The following FYN variants were observed in gnomAD, a reference collection of about 807,000 sequenced individuals.
FYN encodes the protein FYN proto-oncogene, Src family tyrosine kinase, also known as tyrosine-protein kinase Fyn.
FYN carries 10 observed loss-of-function variants against 70.2 expected under a neutral mutation model. That is an observed-to-expected ratio of 0.14 (90% CI 0.09 to 0.24). The LOEUF (loss-of-function observed/expected upper bound fraction) is 0.24, where lower values mean the gene tolerates loss of function less well. FYN is among the 10% of genes least tolerant of loss of function. FYN has a pLI of 1.00. For missense variants in FYN, 319 were observed against 673.1 expected (o/e 0.47, Z 5.82); for synonymous variants, 236 against 248.6 (o/e 0.95, Z 0.48).
At chr6:111,815,723 TTTTTC>T (rs1417633653) in intron 2 of FYN, among the ~76,000 whole-genome samples, 2 of 151,710 alleles carry the variant, frequency 1.3e-5, no homozygotes, top group African/African-American at 4.8e-5. Context: ...TTTTTTTTTT[TTTTTC>T]TTTTTTTTGA....
chr6:111,683,164 A>C (rs1798846930), intron 12 of FYN, among the ~76,000 whole-genome samples: 1 of 152,224 alleles, frequency 6.6e-6, no homozygotes, highest in South Asian at 2.1e-4. Flanking sequence ...GACAGACTTC[A>C]CGGGCAAACC....
rs1349252444 is a variant in FYN, at chr6:111,661,972, T to C, written c.1406-25A>G. 9.5e-6 allele frequency: 15 copies of C among 1,572,214 alleles called. No individual in the cohort carries two copies. In the Admixed American group the frequency reaches 2.3e-4, roughly 24 times the overall value. On this transcript the variant is annotated intron_variant, in intron 13 of 13. Coordinates refer to ENST00000354650, the MANE Select transcript of FYN (RefSeq NM_002037.5). The surrounding 1 kb of genome is among the most constrained non-coding windows in gnomAD (Gnocchi z 4.0). ...CCTGCAAAGACAAGCGCAGTGAGAG[T>C]GGGCACCCCGGGGATCCAGGCCCTG...
chr6:111,777,475 T>C (rs925247355), intron 3 of FYN, among the ~76,000 whole-genome samples: 13 of 152,172 alleles, frequency 8.5e-5, no homozygotes, highest in African/African-American at 2.9e-4. Context: ...TTATTCTGCA[T>C]GTGTGCACGA....
chr6:111,832,803 A>G (rs1773062768), intron 2 of FYN, among the ~76,000 whole-genome samples: 1 of 152,176 alleles, frequency 6.6e-6, no homozygotes, highest in South Asian at 2.1e-4. Flanking sequence ...ATACTAGTCA[A>G]TATATAATTA....
At chr6:111,765,726 T>TGACACTTAA (rs1803204360) in intron 3 of FYN, among the ~76,000 whole-genome samples, 1 of 150,214 alleles carries the variant, frequency 6.7e-6, no homozygotes, top group Admixed American at 6.6e-5. Context: ...TAGGAAGAAG[T>TGACACTTAA]GACACTTAAG....
At chr6:111,795,021 C>T (rs755953759) in intron 2 of FYN, among the ~76,000 whole-genome samples, 2 of 152,116 alleles carry the variant, frequency 1.3e-5, no homozygotes, top group Non-Finnish European at 2.9e-5. Flanking sequence ...CCTGTGGTCC[C>T]GAGTCAATTC....
At chr6:111,825,084 C>T (rs1379612718) in intron 2 of FYN, among the ~76,000 whole-genome samples, 1 of 152,178 alleles carries the variant, frequency 6.6e-6, no homozygotes, top group Non-Finnish European at 1.5e-5. Context: ...GCCATTGCCT[C>T]TGATGCGTAG....
intron 1 of FYN, among the ~76,000 whole-genome samples, chr6:111,859,676 G>A (rs972697669): frequency 6.6e-6 from 1 of 152,106 alleles, no homozygotes; most frequent in Non-Finnish European, 1.5e-5. Context: ...GCAGGCATGC[G>A]ATCTTGTTTT....
intron 9 of FYN, among the ~76,000 whole-genome samples, chr6:111,698,123 C>T (rs994731305): frequency 2.0e-5 from 3 of 152,086 alleles, no homozygotes; most frequent in Non-Finnish European, 2.9e-5. Context: ...ACTGTATTAA[C>T]TCTTTTTTTT....
chr6:111,825,090 C>T (rs1772790743), intron 2 of FYN, among the ~76,000 whole-genome samples: 1 of 152,136 alleles, frequency 6.6e-6, no homozygotes. Context: ...GCCTCTGATG[C>T]GTAGGAATGG....
chr6:111,779,546 C>T (rs1033519761), intron 3 of FYN, among the ~76,000 whole-genome samples: 1 of 152,152 alleles, frequency 6.6e-6, no homozygotes, highest in Non-Finnish European at 1.5e-5. Context: ...AAGGTGACCT[C>T]ACTGGTTGTG....
intron 3 of FYN, among the ~76,000 whole-genome samples, chr6:111,778,774 G>A (rs112766636): frequency 3.9e-5 from 6 of 152,148 alleles, no homozygotes; most frequent in East Asian, 1.9e-4. Context: ...GATTGCAGGC[G>A]TGAGTCACCG....
chr6:111,859,779 A>G (rs1470435889), intron 1 of FYN, among the ~76,000 whole-genome samples: 1 of 152,190 alleles, frequency 6.6e-6, no homozygotes, highest in Non-Finnish European at 1.5e-5. Flanking sequence ...CCCCAACCAC[A>G]AAAAACAAAA....
At chr6:111,743,845 T>A (rs1802090017) in intron 3 of FYN, among the ~76,000 whole-genome samples, 1 of 152,220 alleles carries the variant, frequency 6.6e-6, no homozygotes, top group Admixed American at 6.5e-5. Flanking sequence ...GCCCCTCATT[T>A]GTTAATGTCT....
At position 111,696,273 on chromosome 6, in the gene FYN, C is replaced by T; in HGVS notation, c.1042+4G>A. On this transcript the variant is annotated splice_donor_region_variant and intron_variant, in intron 10 of 13. Coordinates refer to ENST00000354650, the MANE Select transcript of FYN (RefSeq NM_002037.5). ...AGCTGGAGACAGGAGAGGTGTTGCC[C>T]AACCTTTGTTCATATACTCGGTGAC... 6.2e-7 allele frequency: 1 copy of T among 1,603,338 alleles called. No homozygotes were observed. The highest frequency in any genetic ancestry group is 8.5e-7 in the Non-Finnish European group (1 of 1,174,108).
intron 4 of FYN, among the ~76,000 whole-genome samples, chr6:111,718,176 G>C (rs1800758276): frequency 6.6e-6 from 1 of 152,198 alleles, no homozygotes; most frequent in Admixed American, 6.5e-5. Context: ...CAGCTGACAA[G>C]TTCTCACTGA....
At chr6:111,678,248 G>A (rs779658287) in intron 12 of FYN, among the ~76,000 whole-genome samples, 3 of 151,646 alleles carry the variant, frequency 2.0e-5, no homozygotes, top group Non-Finnish European at 4.4e-5. Context: ...CCGAAACCTC[G>A]ACTTGTCATT....
intron 1 of FYN, among the ~76,000 whole-genome samples, chr6:111,867,981 TC>T (rs1157050232): frequency 6.6e-6 from 1 of 152,130 alleles, no homozygotes; most frequent in East Asian, 1.9e-4. Context: ...TAACTGCAGT[TC>T]CCCAAAAGGT....
chr6:111,843,999 T>C (rs12661059), intron 2 of FYN, among the ~76,000 whole-genome samples: 6,395 of 152,232 alleles, frequency 0.042, 232 homozygotes, highest in East Asian at 0.14. Flanking sequence ...TCAAATATTA[T>C]ATAAACTCCA....
Sources: gnomAD v4.1 joint callset for allele counts (sites outside exome capture counted in the v4.1 genomes callset) on GRCh38, gnomAD v4.1.1 for gene constraint, Gnocchi (gnomAD v3.1) non-coding constraint, MANE v1.5 for transcripts, NCBI Gene and HGNC (gene_info 2026-07-23, HGNC 2026-07-21) for gene names.